PCDHGB2: variants seen among roughly 807,000 people sequenced by gnomAD.
PCDHGB2 encodes the protein protocadherin gamma subfamily B, 2.
A neutral mutation model predicts 59.3 loss-of-function variants in PCDHGB2; 55 were observed. That is an observed-to-expected ratio of 0.93 (90% CI 0.75 to 1.16). The LOEUF (loss-of-function observed/expected upper bound fraction) is 1.16. Ranked by LOEUF, PCDHGB2 falls within the 50% of genes most tolerant of loss-of-function variation. The pLI, the probability that PCDHGB2 is intolerant of heterozygous loss-of-function variation, is 0.00. For missense variants in PCDHGB2, 1,228 were observed against 1,198.5 expected, an observed-to-expected ratio of 1.02 and a Z score of -0.36; for synonymous variants, 516 against 512.0, an observed-to-expected ratio of 1.01 and a Z score of -0.11.
At chr5:141,451,779 G>T (rs1284464259) in intron 1 of PCDHGB2, among the ~76,000 whole-genome samples, 1 of 152,070 alleles carries the variant, frequency 6.6e-6, no homozygotes, top group Non-Finnish European at 1.5e-5. Flanking sequence ...TACTCAGGAG[G>T]CTGAGGCCAG....
chr5:141,389,888 G>A, intron 1 of PCDHGB2: 1 of 1,614,086 alleles, frequency 6.2e-7, no homozygotes, highest in Non-Finnish European at 8.5e-7. Context: ...GCTTGCAGGA[G>A]GTGCTGCCGG....
At chr5:141,426,037 G>A (rs2096911238) in intron 1 of PCDHGB2, among the ~76,000 whole-genome samples, 1 of 152,176 alleles carries the variant, frequency 6.6e-6, no homozygotes, top group South Asian at 2.1e-4. Flanking sequence ...TCAGAGCCCT[G>A]CTGTTGGCCA....
At chr5:141,497,212 G>T (rs968445663) in intron 2 of PCDHGB2, among the ~76,000 whole-genome samples, 3 of 150,900 alleles carry the variant, frequency 2.0e-5, no homozygotes, top group Non-Finnish European at 3.0e-5. Context: ...AGTGTAATGG[G>T]GGGGGGAAGA....
intron 1 of PCDHGB2, chr5:141,420,334 T>C: frequency 7.1e-7 from 1 of 1,402,910 alleles, no homozygotes; most frequent in Non-Finnish European, 9.5e-7. Flanking sequence ...TATATTCCAA[T>C]ATAGTGGTAT....
At chr5:141,439,622 TCC>T (rs1374759651) in intron 1 of PCDHGB2, among the ~76,000 whole-genome samples, 1 of 152,134 alleles carries the variant, frequency 6.6e-6, no homozygotes, top group Non-Finnish European at 1.5e-5. Context: ...AATGAGCCAA[TCC>T]CCAGACATTC....
At chr5:141,481,722 G>A (rs546676646) in intron 1 of PCDHGB2, among the ~76,000 whole-genome samples, 1 of 152,214 alleles carries the variant, frequency 6.6e-6, no homozygotes, top group African/African-American at 2.4e-5. Flanking sequence ...GGGAGGCGGA[G>A]GCGGGCGGAT....
At chr5:141,387,608 G>C (rs562428819) in intron 1 of PCDHGB2, 221 of 551,402 alleles carry the variant, frequency 4.0e-4, no homozygotes, top group Non-Finnish European at 6.6e-4. Context: ...AGAGGCTGTA[G>C]TTTCCTAGTG....
rs1406252392 is a variant in PCDHGB2, at chr5:141,361,293, G to C, written c.1158G>C (p.Val386=). 1.2e-6 allele frequency: 2 copies of C among 1,613,900 alleles called. No individual in the cohort carries two copies. Among genetic ancestry groups the C allele is most frequent in the African/African-American group, 2.7e-5 (2 of 74,926 alleles). Residue 386 remains valine (V), a synonymous_variant, in exon 1 of 4, where the codon GTG becomes GTC. Transcript: ENST00000522605. ...SGENGEVYCQ[V]LGNAKFILKS... ...AAAATGGAGAAGTTTACTGCCAAGT[G>C]TTGGGAAATGCCAAGTTTATTTTGA...
intron 1 of PCDHGB2, chr5:141,415,772 T>TTTA (rs1561760673): frequency 5.3e-6 from 7 of 1,332,980 alleles, no homozygotes; most frequent in Non-Finnish European, 6.7e-6. Flanking sequence ...TTTTTTTTTT[T>TTTA]ACTTTCTGGT....
chr5:141,422,370 T>G (rs2096643676), intron 1 of PCDHGB2: 1 of 1,566,604 alleles, frequency 6.4e-7, no homozygotes, highest in African/African-American at 1.4e-5. Flanking sequence ...GAGAAAATGG[T>G]CAAGTCTCCT....
intron 1 of PCDHGB2, chr5:141,403,576 C>T (rs976638680): frequency 1.9e-6 from 3 of 1,613,946 alleles, no homozygotes; most frequent in Non-Finnish European, 2.5e-6. Context: ...CAACTGCCCA[C>T]CACCTGGTCC....
intron 1 of PCDHGB2, chr5:141,374,378 A>C: frequency 6.2e-7 from 1 of 1,614,038 alleles, no homozygotes; most frequent in Non-Finnish European, 8.5e-7. Context: ...CTGTGCTCAG[A>C]GCCCGCGGTG....
At chr5:141,384,512 G>A (rs1780165876) in intron 1 of PCDHGB2, 1 of 1,614,062 alleles carries the variant, frequency 6.2e-7, no homozygotes, top group Admixed American at 1.7e-5. Context: ...CATGACAGCG[G>A]GGACCCGCCT....
intron 3 of PCDHGB2, among the ~76,000 whole-genome samples, chr5:141,510,214 A>G (rs1047332886): frequency 6.6e-6 from 1 of 151,406 alleles, no homozygotes; most frequent in Non-Finnish European, 1.5e-5. Context: ...CAGAGGTTGC[A>G]GTGAGCCGGG....
At chr5:141,423,327 A>G in intron 1 of PCDHGB2, 1 of 1,614,100 alleles carries the variant, frequency 6.2e-7, no homozygotes, top group Non-Finnish European at 8.5e-7. Flanking sequence ...CGGTGGCCGC[A>G]GTCTCCTGCA....
In PCDHGB2 at chr5:141,487,844, A is replaced by T; in HGVS notation, c.2422-6963A>T. The T allele has an allele frequency of 1.9e-6, 2 of 1,043,194 alleles. No individual in the cohort carries two copies. The highest frequency in any genetic ancestry group is 2.7e-6 in the Non-Finnish European group (2 of 730,908). The allele number at this position is 1,043,194 out of a possible 1,614,324, so 64.6% of individuals were successfully genotyped here. ...CGGGTCATGCCTATATCTGAGTAAG[A>T]AATGAAAGTAATTGGTGATCAAGAG... On this transcript the variant is annotated intron_variant, in intron 1 of 3. Transcript: ENST00000522605. This position sits in a 1 kb window ranked among gnomAD's most constrained non-coding sequence, Gnocchi z 5.0.
chr5:141,425,317 C>T (rs78746536), intron 1 of PCDHGB2, among the ~76,000 whole-genome samples: 174 of 152,168 alleles, frequency 1.1e-3, no homozygotes, highest in East Asian at 3.7e-3. Context: ...TTCCCAAGAT[C>T]GTGGAGAACA....
chr5:141,431,685 A>C lies in PCDHGB2; in HGVS notation c.2422-63122A>C. The C allele has an allele frequency of 6.2e-7, 1 of 1,614,246 alleles. No homozygotes were observed. Among genetic ancestry groups the C allele is most frequent in the East Asian group, 2.2e-5 (1 of 44,876 alleles). ...ATATCAACAATAGGGGAGTTGGACCACGAGGAGTCAGGATTCTACCAGATG... is the reference window on the plus strand; with the variant it reads ...ATATCAACAATAGGGGAGTTGGACCCCGAGGAGTCAGGATTCTACCAGATG... On this transcript the variant is annotated intron_variant, in intron 1 of 3. Transcript: ENST00000522605. This position sits in a 1 kb window ranked among gnomAD's most constrained non-coding sequence, Gnocchi z 4.8.
chr5:141,395,066 G>GACC, intron 1 of PCDHGB2: 1 of 1,614,136 alleles, frequency 6.2e-7, no homozygotes, highest in Non-Finnish European at 8.5e-7. Flanking sequence ...CTTTCCTGCA[G>GACC]ACCTATTCCC....
Sources: gnomAD v4.1 joint callset for allele counts (sites outside exome capture counted in the v4.1 genomes callset) on GRCh38, gnomAD v4.1.1 for gene constraint, Gnocchi (gnomAD v3.1) non-coding constraint, MANE v1.5 for transcripts, NCBI Gene and HGNC (gene_info 2026-07-23, HGNC 2026-07-21) for gene names.